The following SPRED2 variants were observed in gnomAD, a reference collection of about 807,000 sequenced individuals.
SPRED2 encodes sprouty-related, EVH1 domain-containing protein 2.
Under a neutral mutation model 43.0 loss-of-function variants are expected in SPRED2, and 47 were observed. That is an observed-to-expected ratio of 1.09 (90% CI 0.87 to 1.40). SPRED2 has a LOEUF of 1.40. SPRED2 is among the 40% of genes most tolerant of loss of function. The pLI is 0.00. For missense variants in SPRED2, 561 were observed against 586.4 expected, an observed-to-expected ratio of 0.96 and a Z score of 0.45; for synonymous variants, 225 against 225.7, an observed-to-expected ratio of 1.00 and a Z score of 0.03.
chr2:65,389,538 T>C (rs1018072090), intron 1 of SPRED2, among the ~76,000 whole-genome samples: 1 of 152,206 alleles, frequency 6.6e-6, no homozygotes, highest in Non-Finnish European at 1.5e-5. Context: ...TGTTGTGTTA[T>C]TTGTTTATTA....
intron 1 of SPRED2, among the ~76,000 whole-genome samples, chr2:65,412,675 C>CT (rs1237237458): frequency 2.6e-5 from 4 of 151,920 alleles, no homozygotes; most frequent in Non-Finnish European, 5.9e-5. Context: ...GTTTGAAGAC[C>CT]CCCCACCCCA....
chr2:65,330,947 T>C (rs558205350), intron 4 of SPRED2, among the ~76,000 whole-genome samples: 148 of 152,180 alleles, frequency 9.7e-4, no homozygotes, highest in Non-Finnish European at 1.7e-3. Context: ...TTTACATTTT[T>C]CTGTGTGCTT....
chr2:65,322,388 G>A (rs1673459024), intron 4 of SPRED2, among the ~76,000 whole-genome samples: 1 of 147,800 alleles, frequency 6.8e-6, no homozygotes, highest in Admixed American at 6.8e-5. Context: ...CTGCCTCCTA[G>A]GTTCACGCCG....
intron 4 of SPRED2, among the ~76,000 whole-genome samples, chr2:65,325,125 A>G (rs1198007791): frequency 1.3e-5 from 2 of 152,186 alleles, no homozygotes. Context: ...GGCAATGTGT[A>G]ATTTCTTCCT....
At chr2:65,358,781 A>G (rs560992670) in intron 1 of SPRED2, among the ~76,000 whole-genome samples, 2 of 152,358 alleles carry the variant, frequency 1.3e-5, no homozygotes, top group Admixed American at 6.5e-5. Context: ...AAGCCCAATC[A>G]ACGTGGAAAA....
At chr2:65,362,429 C>A (rs1674840291) in intron 1 of SPRED2, among the ~76,000 whole-genome samples, 1 of 152,106 alleles carries the variant, frequency 6.6e-6, no homozygotes, top group African/African-American at 2.4e-5. Context: ...GACACCACGC[C>A]CAGCTAATTG....
intron 1 of SPRED2, among the ~76,000 whole-genome samples, chr2:65,398,226 C>T (rs536159932): frequency 2.0e-4 from 31 of 152,304 alleles, no homozygotes; most frequent in African/African-American, 7.2e-4. Context: ...TCATCTTATA[C>T]AAAAATCAAC....
chr2:65,362,112 T>C (rs940650446), intron 1 of SPRED2, among the ~76,000 whole-genome samples: 12 of 152,348 alleles, frequency 7.9e-5, no homozygotes, highest in South Asian at 2.1e-4. Flanking sequence ...TCTTATACAC[T>C]GAACTCTATG....
chr2:65,373,615 CAG>C (rs988916072), intron 1 of SPRED2: 3 of 152,272 alleles, frequency 2.0e-5, no homozygotes, highest in Non-Finnish European at 2.9e-5. Flanking sequence ...GATGGGGAGA[CAG>C]AGTCTATAGC....
intron 1 of SPRED2, among the ~76,000 whole-genome samples, chr2:65,388,355 G>A (rs574627509): frequency 3.9e-5 from 6 of 152,350 alleles, no homozygotes; most frequent in East Asian, 3.9e-4. Flanking sequence ...AACAAATGAC[G>A]GTGAGGTCAT....
intron 1 of SPRED2, among the ~76,000 whole-genome samples, chr2:65,362,064 G>C (rs772244563): frequency 6.6e-6 from 1 of 152,196 alleles, no homozygotes; most frequent in East Asian, 1.9e-4. Flanking sequence ...TCATCTCTTC[G>C]ATTGAAATCA....
intron 1 of SPRED2, among the ~76,000 whole-genome samples, chr2:65,376,167 C>T (rs1241613750): frequency 6.6e-6 from 1 of 152,200 alleles, no homozygotes; most frequent in African/African-American, 2.4e-5. Context: ...TCCCTGTTCC[C>T]TACAGTTAAA....
chr2:65,362,444 G>A (rs1002427641), intron 1 of SPRED2, among the ~76,000 whole-genome samples: 5 of 151,996 alleles, frequency 3.3e-5, no homozygotes, highest in African/African-American at 4.8e-5. Context: ...TAATTGTTTT[G>A]TATTTTTAGT....
At chr2:65,347,795 G>C (rs1674397166) in intron 1 of SPRED2, among the ~76,000 whole-genome samples, 1 of 152,020 alleles carries the variant, frequency 6.6e-6, no homozygotes, top group Admixed American at 6.6e-5. Context: ...CATGTTTCAG[G>C]TTGAACTCTC....
At chr2:65,355,037 GT>G (rs1212081270) in intron 1 of SPRED2, among the ~76,000 whole-genome samples, 15 of 152,234 alleles carry the variant, frequency 9.9e-5, no homozygotes, top group African/African-American at 3.6e-4. Flanking sequence ...GACAGGCATG[GT>G]AGTTTAGTAA....
Position 65,313,439 on chromosome 2 carries a change from G to A in SPRED2, c.*62C>T. ...TGGAAGGGAGCGGGGGAGAAGATGAGAGTATGTAAGAGACGAGTTCCCCTG... is the reference window on the plus strand; with the variant it reads ...TGGAAGGGAGCGGGGGAGAAGATGAAAGTATGTAAGAGACGAGTTCCCCTG... On this transcript the variant is annotated 3_prime_UTR_variant, in exon 6 of 6. Coordinates refer to ENST00000356388, the MANE Select transcript of SPRED2 (RefSeq NM_181784.3). The A allele has an allele frequency of 6.5e-7, 1 of 1,538,178 alleles. No homozygotes were observed. The highest frequency in any genetic ancestry group is 1.4e-5 in the African/African-American group (1 of 72,724).
At chr2:65,368,519 A>G (rs1350290405) in intron 1 of SPRED2, among the ~76,000 whole-genome samples, 7 of 152,224 alleles carry the variant, frequency 4.6e-5, no homozygotes, top group Admixed American at 3.3e-4. Context: ...TTTTGGAGAA[A>G]TAAGTTCACA....
At chr2:65,367,759 T>C (rs1456244698) in intron 1 of SPRED2, among the ~76,000 whole-genome samples, 1 of 152,192 alleles carries the variant, frequency 6.6e-6, no homozygotes, top group Non-Finnish European at 1.5e-5. Flanking sequence ...GTGTTAACGT[T>C]ATGAAGGAGA....
intron 4 of SPRED2, among the ~76,000 whole-genome samples, chr2:65,330,963 G>A (rs1235197944): frequency 6.7e-6 from 1 of 149,072 alleles, no homozygotes; most frequent in African/African-American, 2.5e-5. Flanking sequence ...TGCTTGAAAA[G>A]TTTTATAATA....
Sources: allele counts gnomAD v4.1 joint callset (sites outside exome capture counted in the v4.1 genomes callset), GRCh38; gene constraint gnomAD v4.1.1; transcripts MANE v1.5; gene names NCBI Gene and HGNC (gene_info 2026-07-23, HGNC 2026-07-21).